Variants in KIF13B observed in about 807,000 individuals in gnomAD.
KIF13B encodes the protein kinesin family member 13B, also known as kinesin-like protein KIF13B.
A neutral mutation model predicts 222.0 loss-of-function variants in KIF13B; 127 were observed. The ratio of observed to expected loss-of-function variants is 0.57; its 90% CI spans 0.50 to 0.66. The LOEUF is 0.66. Ranked by LOEUF, KIF13B falls within the 30% of genes least tolerant of loss-of-function variation. The pLI is 0.00. For synonymous variants in KIF13B, 976 were observed against 919.0 expected (o/e 1.06, Z -1.12); for missense variants, 2,173 against 2,379.0 (o/e 0.91, Z 1.80).
intron 2 of KIF13B, among the ~76,000 whole-genome samples, chr8:29,243,501 C>G (rs187662855): frequency 6.6e-6 from 1 of 151,986 alleles, no homozygotes; most frequent in African/African-American, 2.4e-5. Context: ...TACTAAAATA[C>G]AAAAATTAGC....
chr8:29,182,851 T>C (rs1228347676), intron 6 of KIF13B, among the ~76,000 whole-genome samples: 4 of 152,044 alleles, frequency 2.6e-5, no homozygotes, highest in Non-Finnish European at 5.9e-5. Flanking sequence ...TATTTCAAAA[T>C]TGCTGAGAGT....
intron 2 of KIF13B, among the ~76,000 whole-genome samples, chr8:29,244,872 T>C (rs1815951993): frequency 1.3e-5 from 2 of 152,144 alleles, no homozygotes; most frequent in Admixed American, 6.6e-5. Flanking sequence ...TCCAAAACAA[T>C]CTATAATCAT....
At chr8:29,104,498 G>A (rs1167290283) in intron 35 of KIF13B, among the ~76,000 whole-genome samples, 1 of 152,074 alleles carries the variant, frequency 6.6e-6, no homozygotes. Context: ...ATTGATAACT[G>A]CATACATTTG....
rs771233186 is a variant in KIF13B at position 29,160,910 on chromosome 8, G to A, written c.1270-43C>T. Reference sequence around the variant, plus strand: ...GAAGTATTAATTTCACAGCTATTGAGGCAGTGAGATATCCAAGCGTTTACA... The same window carrying A: ...GAAGTATTAATTTCACAGCTATTGAAGCAGTGAGATATCCAAGCGTTTACA... On this transcript the variant is annotated intron_variant, in intron 12 of 39. Transcript: ENST00000524189. 5.1e-6 allele frequency: 8 copies of A among 1,564,034 alleles called. No homozygotes were observed. The African/African-American group carries it at 8.2e-5, about 16-fold the overall frequency.
chr8:29,140,438 C>CA, intron 20 of KIF13B, 30 bp downstream of exon 20: 1 of 1,603,506 alleles, frequency 6.2e-7, no homozygotes, highest in Non-Finnish European at 8.5e-7. Context: ...CTATTCTCTA[C>CA]AGGAAACAAG....
Position 29,092,795 on chromosome 8 carries a change from G to A in KIF13B, c.4408C>T (p.Pro1470Ser), listed in dbSNP as rs1472892267. The change falls in exon 37 of 40, where the codon CCC becomes TCC. Residue 1470 changes from proline (P) to serine (S), a missense_variant. Coordinates refer to ENST00000524189, the MANE Select transcript of KIF13B (RefSeq NM_015254.4). ...TTGCCCCTCTTCTCATCGCGGACGGGAAAGAGAGACTTGAGGAGCTTTGGC... is the reference window on the plus strand; with the variant it reads ...TTGCCCCTCTTCTCATCGCGGACGGAAAAGAGAGACTTGAGGAGCTTTGGC... ...QMPKLLKSLF[P>S]VRDEKRGKRP... The A allele has an allele frequency of 6.2e-7, 1 of 1,613,524 alleles. No homozygotes were observed. Among genetic ancestry groups the A allele is most frequent in the East Asian group, 2.2e-5 (1 of 44,876 alleles).
At chr8:29,158,278 G>C (rs1811625840) in intron 13 of KIF13B, among the ~76,000 whole-genome samples, 1 of 151,964 alleles carries the variant, frequency 6.6e-6, no homozygotes, top group African/African-American at 2.4e-5. Flanking sequence ...CTTAACAAAG[G>C]CCTGGCATAT....
chr8:29,231,468 G>GT (rs1466935868), intron 2 of KIF13B, among the ~76,000 whole-genome samples: 2 of 152,226 alleles, frequency 1.3e-5, no homozygotes, highest in Non-Finnish European at 2.9e-5. Flanking sequence ...GACTGGCCGA[G>GT]TGACTAAGGA....
intron 13 of KIF13B, 38 bp downstream of exon 13, chr8:29,160,695 T>C (rs1485132136): frequency 6.3e-7 from 1 of 1,589,104 alleles, no homozygotes. Flanking sequence ...TTGTCCTATT[T>C]TGTAACAAGA....
intron 10 of KIF13B, among the ~76,000 whole-genome samples, chr8:29,169,959 T>C (rs533712925): frequency 2.0e-5 from 3 of 152,212 alleles, no homozygotes; most frequent in Non-Finnish European, 4.4e-5. Flanking sequence ...AAAGCATGTA[T>C]ATTGTGCTCC....
chr8:29,123,973 A>T (rs1317396900), intron 27 of KIF13B, 51 bp downstream of exon 27: 2 of 1,095,576 alleles, frequency 1.8e-6, no homozygotes, highest in Admixed American at 1.9e-5. Context: ...GAGAATAATT[A>T]ATTATGCATT....
intron 28 of KIF13B, 85 bp from the exon 29 acceptor site, chr8:29,122,731 G>C (rs1346275041): frequency 2.8e-6 from 3 of 1,087,070 alleles, no homozygotes; most frequent in Middle Eastern, 1.9e-4. Flanking sequence ...ATGGCATTCA[G>C]GGCTGTTACA....
In KIF13B at chr8:29,223,179, C is replaced by CA. The variant is rs1239296856; in HGVS notation, c.149+22166dup. ...CAAAAAAATACAAAAAAAAAAAAAA[C>CA]AAAAAAAAAAACTTAGCCAGGCATG... is the stretch of plus-strand genomic sequence containing the variant. On this transcript the variant is annotated intron_variant, in intron 2 of 39. Coordinates refer to ENST00000524189, the MANE Select transcript of KIF13B (RefSeq NM_015254.4). Among the ~76,000 whole-genome samples the CA allele has an allele frequency of 1.6e-3, 177 of 111,454 alleles. 1 individual carries two copies. Among genetic ancestry groups the CA allele is most frequent in the African/African-American group, 4.9e-3 (155 of 31,500 alleles). 73.1% of individuals were successfully genotyped at this position (111,454 alleles called of 152,430 possible). A position where few individuals can be genotyped will look rare whatever the true frequency, so the allele number is the denominator to read the frequency against.
rs781018631 is a variant in KIF13B at position 29,132,444 on chromosome 8, C to G, written c.2806G>C (p.Glu936Gln). 1.7e-5 allele frequency: 27 copies of G among 1,543,512 alleles called. 1 individual carries two copies. Among genetic ancestry groups the G allele is most frequent in the Middle Eastern group, 3.4e-4 (2 of 5,806 alleles). The change falls in exon 23 of 40, where the codon GAA becomes CAA. Residue 936 changes from glutamate to glutamine, a missense_variant. Around this residue, in one of 2 missense-constraint regions of KIF13B, gnomAD observed 1,480 missense variants for 1,722.8 expected, o/e 0.86. Transcript: ENST00000524189. ...HCNEFSVNIT[E>Q]DFIEHLSEGA... Reference sequence around the variant, plus strand: ...TCGGAAAGATGCTCGATAAAGTCTTCGGTGATGTTAACAGAAAACTCCTGA... The same window carrying G: ...TCGGAAAGATGCTCGATAAAGTCTTGGGTGATGTTAACAGAAAACTCCTGA...
intron 13 of KIF13B, among the ~76,000 whole-genome samples, chr8:29,157,700 G>A (rs1046621820): frequency 5.3e-5 from 8 of 151,882 alleles, no homozygotes; most frequent in South Asian, 4.2e-4. Context: ...GCAAGACTCC[G>A]TCTCAATAAA....
At chr8:29,131,242 C>A (rs1490622804) in intron 23 of KIF13B, among the ~76,000 whole-genome samples, 1 of 151,292 alleles carries the variant, frequency 6.6e-6, no homozygotes, top group Non-Finnish European at 1.5e-5. Flanking sequence ...ACCTGAGTGA[C>A]AGGATCAATC....
chr8:29,249,262 T>C (rs1408412099), intron 1 of KIF13B, among the ~76,000 whole-genome samples: 1 of 151,948 alleles, frequency 6.6e-6, no homozygotes, highest in African/African-American at 2.4e-5. Context: ...ACCCCGTCTC[T>C]ACTAAATATA....
chr8:29,079,652 A>C (rs1027526711), intron 37 of KIF13B, among the ~76,000 whole-genome samples: 1 of 152,264 alleles, frequency 6.6e-6, no homozygotes, highest in Admixed American at 6.5e-5. Flanking sequence ...GAAACAAAAA[A>C]ATAATCACTT....
In KIF13B at chr8:29,155,746, C is replaced by G; in HGVS notation, c.1515G>C (p.Leu505=). The change falls in exon 14 of 40, where the codon CTG becomes CTC. Residue 505 remains leucine, a synonymous_variant. Coordinates refer to ENST00000524189, the MANE Select transcript of KIF13B (RefSeq NM_015254.4). ...IDITSEGQVM[L]TPQKNTRTFV... is the part of the protein sequence containing the mutation. ...GTTACCTGGTGTTCTTCTGAGGAGT[C>G]AGCATAACCTGGCCTTCTGACGTGA... 6.2e-7 allele frequency: 1 copy of G among 1,605,770 alleles called. No individual in the cohort carries two copies. The highest frequency in any genetic ancestry group is 1.1e-5 in the South Asian group (1 of 89,172).
Sources: allele counts gnomAD v4.1 joint callset (sites outside exome capture counted in the v4.1 genomes callset), GRCh38; gene constraint gnomAD v4.1.1; regional missense constraint gnomAD v4.1.1; transcripts MANE v1.5; gene names NCBI Gene and HGNC (gene_info 2026-07-23, HGNC 2026-07-21).